ASPSCR1: variants seen among roughly 807,000 people sequenced by gnomAD.
The protein encoded by ASPSCR1 is ASPSCR1 tether for SLC2A4, UBX domain containing, also known as tether containing UBX domain for GLUT4.
A neutral mutation model predicts 68.9 loss-of-function variants in ASPSCR1; 55 were observed. The ratio of observed to expected loss-of-function variants is 0.80; its 90% CI spans 0.64 to 1.00. The LOEUF is 1.00. ASPSCR1 is among the 50% of genes least tolerant of loss of function. ASPSCR1 has a pLI of 0.00. For synonymous variants in ASPSCR1, 352 were observed against 332.6 expected (o/e 1.06, Z -0.63); for missense variants, 765 against 762.2 (o/e 1.00, Z -0.04).
rs2043181087 is a variant in ASPSCR1 at position 82,017,405 on chromosome 17, A to G, written c.*83A>G. The stretch of plus-strand genomic sequence containing the variant: ...AGGAATAAAGACTTGTGCATCCCTC[A>G]ACGCCTTCCTGTCATGCTTCCTCCA... On this transcript the variant is annotated 3_prime_UTR_variant, in exon 16 of 16. Coordinates refer to ENST00000306739, the MANE Select transcript of ASPSCR1 (RefSeq NM_024083.4). The G allele has an allele frequency of 6.3e-7, 1 of 1,590,614 alleles. No homozygotes were observed. The highest frequency in any genetic ancestry group is 8.6e-7 in the Non-Finnish European group (1 of 1,163,852).
intron 4 of ASPSCR1, among the ~76,000 whole-genome samples, chr17:81,993,338 C>T (rs57221908): frequency 0.035 from 5,363 of 152,212 alleles, 131 homozygotes; most frequent in South Asian, 0.14. Flanking sequence ...CTCAGCCTCC[C>T]GAGTAGCTGG....
In ASPSCR1 at chr17:82,016,493, C is replaced by A. The variant is rs369843263; in HGVS notation, c.1371C>A (p.Ala457=). 4.5e-6 allele frequency: 7 copies of A among 1,548,830 alleles called. No homozygotes were observed. In the Admixed American group the frequency reaches 7.8e-5, roughly 17 times the overall value. Residue 457 remains alanine (A), a synonymous_variant, in exon 13 of 16, where the codon GCC becomes GCA. Transcript: ENST00000306739. Reference sequence around the variant, plus strand: ...CCCTGCAGGCGAACCTCTTCCCGGCCGCTCTGGTGCACTTGGGAGCCGAGG... The same window carrying A: ...CCCTGCAGGCGAACCTCTTCCCGGCAGCTCTGGTGCACTTGGGAGCCGAGG... ...QTLFQANLFP[A]ALVHLGAEEP...
chr17:81,995,967 C>A (rs748837492), intron 5 of ASPSCR1, 25 bp from the exon 6 acceptor site: 1 of 1,604,150 alleles, frequency 6.2e-7, no homozygotes, highest in Admixed American at 1.7e-5. Flanking sequence ...GCAAGGCGCA[C>A]CTGTCCTGGC....
At chr17:82,003,532 G>A (rs1319993551) in intron 7 of ASPSCR1, among the ~76,000 whole-genome samples, 2 of 152,254 alleles carry the variant, frequency 1.3e-5, no homozygotes, top group Non-Finnish European at 2.9e-5. Flanking sequence ...CGGGCCATGA[G>A]CATCGGTGCG....
At chr17:81,997,896 G>A (rs1177235761) in intron 7 of ASPSCR1, among the ~76,000 whole-genome samples, 3 of 146,504 alleles carry the variant, frequency 2.0e-5, no homozygotes, top group South Asian at 2.2e-4. Context: ...GCGCACTTTC[G>A]GCTCACTGTA....
Position 82,005,619 on chromosome 17 carries a change from C to T in ASPSCR1, c.934-3418C>T, listed in dbSNP as rs1461978268. The stretch of plus-strand genomic sequence containing the variant: ...CCCCCTGCACTGCTGAGGTTTGGGC[C>T]TCATTCCCCGCTGGCCCTCCGTCTG... On this transcript the variant is annotated intron_variant, in intron 7 of 15. Transcript: ENST00000306739. 5 of 152,230 alleles carry T rather than the reference C, an allele frequency of 3.3e-5. No individual in the cohort carries two copies. In the East Asian group the frequency reaches 9.7e-4, roughly 29 times the overall value. The allele number at this position is 152,230 out of a possible 1,614,324, so 9.4% of individuals were successfully genotyped here. A position where few individuals can be genotyped will look rare whatever the true frequency, so the allele number is the denominator to read the frequency against.
intron 9 of ASPSCR1, chr17:82,009,966 G>A: frequency 3.8e-6 from 1 of 259,870 alleles, no homozygotes; most frequent in South Asian, 2.9e-5. Flanking sequence ...GCTGGAGTCA[G>A]TGGTGCCATC....
Position 82,012,174 on chromosome 17 carries a change from G to T in ASPSCR1, c.1301-57G>T, listed in dbSNP as rs778978508. ...TCTGCAGGCCTGTCTTCCTTCGGGC[G>T]CATGGATGGGCGAGGTCCACGGTGC... On this transcript the variant is annotated intron_variant, in intron 11 of 15. Coordinates refer to ENST00000306739, the MANE Select transcript of ASPSCR1 (RefSeq NM_024083.4). The T allele has an allele frequency of 2.6e-6, 4 of 1,562,818 alleles. No homozygotes were observed. In the Admixed American group the frequency reaches 5.0e-5, roughly 20 times the overall value.
intron 10 of ASPSCR1, 27 bp downstream of exon 10, chr17:82,010,895 G>T: frequency 1.2e-6 from 2 of 1,607,642 alleles, no homozygotes; most frequent in Non-Finnish European, 8.5e-7. Context: ...GGTGTCCGGG[G>T]ATGGGGGGCA....
chr17:81,982,695 A>T (rs2041832935), intron 2 of ASPSCR1: 1 of 152,066 alleles, frequency 6.6e-6, no homozygotes, highest in African/African-American at 2.4e-5. Flanking sequence ...AACCACTTTG[A>T]GTATATTCAG....
At chr17:82,015,254 A>G (rs1359797711) in intron 12 of ASPSCR1, 8 of 1,598,204 alleles carry the variant, frequency 5.0e-6, no homozygotes, top group South Asian at 1.1e-5. Flanking sequence ...GTCAGCCTCC[A>G]TGCCACCCAG....
At chr17:82,008,987 G>A (rs1007319505) in intron 7 of ASPSCR1, 50 bp from the exon 8 acceptor site, 23 of 1,441,412 alleles carry the variant, frequency 1.6e-5, no homozygotes, top group Middle Eastern at 2.5e-4. Context: ...CCCGGGGTGC[G>A]GAGGGCCCAG....
chr17:81,996,627 A>G lies in ASPSCR1; in HGVS notation c.714A>G (p.Ala238=). The G allele has an allele frequency of 6.2e-7, 1 of 1,611,874 alleles. No homozygotes were observed. The highest frequency in any genetic ancestry group is 8.5e-7 in the Non-Finnish European group (1 of 1,178,742). Residue 238 remains alanine (A), a synonymous_variant, in exon 7 of 16, where the codon GCA becomes GCG. Transcript: ENST00000306739. ...AGAAGCAGAGCACAAGGGCACCCGC[A>G]GCTGCCCCCTTTGTTCCTTTCTCGG... The part of the protein sequence containing the change: ...TQEKQSTRAP[A]AAPFVPFSGG...
chr17:81,997,648 C>T (rs1262483249), intron 7 of ASPSCR1, among the ~76,000 whole-genome samples: 1 of 150,082 alleles, frequency 6.7e-6, no homozygotes, highest in African/African-American at 2.4e-5. Context: ...ACCACCAAGC[C>T]CAGCTAATTT....
intron 10 of ASPSCR1, 104 bp from the exon 11 acceptor site, chr17:82,011,439 T>C (rs2042937983): frequency 8.9e-7 from 1 of 1,129,888 alleles, no homozygotes; most frequent in African/African-American, 1.6e-5. Context: ...TTCCCACCCC[T>C]CGGGGAAAGG....
At chr17:82,001,208 G>A (rs2042518039) in intron 7 of ASPSCR1, among the ~76,000 whole-genome samples, 2 of 152,154 alleles carry the variant, frequency 1.3e-5, no homozygotes, top group East Asian at 3.9e-4. Context: ...AATACACCCT[G>A]CCTGGGACCC....
intron 9 of ASPSCR1, chr17:82,009,864 A>T: frequency 3.7e-6 from 1 of 268,742 alleles, no homozygotes; most frequent in East Asian, 8.3e-5. Context: ...GGTGGCGCGC[A>T]TGCCCTTAGT....
chr17:82,014,965 C>G, intron 12 of ASPSCR1: 1 of 1,302,600 alleles, frequency 7.7e-7, no homozygotes, highest in African/African-American at 1.5e-5. Context: ...CCTGAGACAT[C>G]CTGGGACAGT....
At chr17:82,010,373 C>CA (rs1243605286) in intron 9 of ASPSCR1, among the ~76,000 whole-genome samples, 4 of 151,280 alleles carry the variant, frequency 2.6e-5, no homozygotes, top group African/African-American at 7.3e-5. Context: ...ACTAAAAATA[C>CA]AAAAAATTAG....
Sources: gnomAD v4.1 joint callset for allele counts (sites outside exome capture counted in the v4.1 genomes callset) on GRCh38, gnomAD v4.1.1 for gene constraint, MANE v1.5 for transcripts, NCBI Gene and HGNC (gene_info 2026-07-23, HGNC 2026-07-21) for gene names.